Variants in UPF2 observed in about 807,000 individuals in gnomAD.
The protein encoded by UPF2 is regulator of nonsense transcripts 2.
Under a neutral mutation model 141.4 loss-of-function variants are expected in UPF2, and 17 were observed. The ratio of observed to expected loss-of-function variants is 0.12; its 90% CI spans 0.08 to 0.18. UPF2 has a LOEUF of 0.18. Ranked by LOEUF, UPF2 falls within the 10% of genes least tolerant of loss-of-function variation. The pLI is 1.00. For missense variants in UPF2, 1,152 were observed against 1,515.9 expected, an observed-to-expected ratio of 0.76 and a Z score of 3.99; for synonymous variants, 540 against 498.0, an observed-to-expected ratio of 1.08 and a Z score of -1.12.
intron 9 of UPF2, among the ~76,000 whole-genome samples, chr10:11,974,603 G>T (rs1433323933): frequency 6.6e-6 from 1 of 152,104 alleles, no homozygotes; most frequent in South Asian, 2.1e-4. Context: ...GTTGAATTTT[G>T]TCAAAGGCCT....
At chr10:12,011,562 T>C (rs1834128183) in intron 4 of UPF2, among the ~76,000 whole-genome samples, 1 of 152,114 alleles carries the variant, frequency 6.6e-6, no homozygotes, top group Non-Finnish European at 1.5e-5. Context: ...GACTGCACCA[T>C]CGCATTCCAG....
At position 11,955,318 on chromosome 10, in the gene UPF2, C is replaced by G; in HGVS notation, c.2764G>C (p.Val922Leu). 6.2e-7 allele frequency: 1 copy of G among 1,614,128 alleles called. No homozygotes were observed. The highest frequency in any genetic ancestry group is 8.5e-7 in the Non-Finnish European group (1 of 1,180,028). ...PPEHLFRIRL[V>L]CTILDTCGQY... ...CCACATGTGTCCAGAATAGTGCATA[C>G]GAGTCTAATTCTGAAAAGATGCTCA... The change falls in exon 14 of 22, where the codon GTA becomes CTA. Residue 922 changes from valine (V) to leucine (L), a missense_variant. This residue lies in a region of UPF2 where 739 missense variants were observed against 1,032.2 expected (regional missense o/e 0.72). Coordinates refer to ENST00000357604, the MANE Select transcript of UPF2 (RefSeq NM_015542.4).
chr10:11,932,048 C>T (rs1832788045), intron 19 of UPF2, among the ~76,000 whole-genome samples: 1 of 151,878 alleles, frequency 6.6e-6, no homozygotes, highest in African/African-American at 2.4e-5. Flanking sequence ...ACCCGGGAGG[C>T]TGAGGCAGGA....
chr10:11,959,946 ACTT>A lies in UPF2; in HGVS notation c.2185-593_2185-591del, dbSNP rs992725015. ...ACTAGAGAACTTTACTACCAAGGTAACTTCTTTCATAACTTTGTGTCTAGGGTT... is the reference window on the plus strand; with the variant it reads ...ACTAGAGAACTTTACTACCAAGGTAACTTTCATAACTTTGTGTCTAGGGTT... On this transcript the variant is annotated intron_variant, in intron 11 of 21. Coordinates refer to ENST00000357604, the MANE Select transcript of UPF2 (RefSeq NM_015542.4). The surrounding 1 kb of genome is among the most constrained non-coding windows in gnomAD (Gnocchi z 5.9). Among the ~76,000 whole-genome samples the A allele has an allele frequency of 3.3e-5, 5 of 152,216 alleles. No individual in the cohort carries two copies. Among genetic ancestry groups the A allele is most frequent in the African/African-American group, 1.2e-4 (5 of 41,454 alleles).
At chr10:12,021,579 GA>G (rs1221376856) in intron 3 of UPF2, among the ~76,000 whole-genome samples, 3 of 151,926 alleles carry the variant, frequency 2.0e-5, no homozygotes, top group East Asian at 3.9e-4. Context: ...ATTTTCATGA[GA>G]AAAAAAGTGC....
intron 9 of UPF2, 140 bp downstream of exon 9, chr10:11,978,917 A>G: frequency 1.5e-6 from 1 of 675,104 alleles, no homozygotes; most frequent in East Asian, 2.8e-5. Context: ...ACATTTCAAA[A>G]ATTTAGAATG....
In UPF2 at chr10:11,967,671, TC is replaced by T. The variant is rs1188401772; in HGVS notation, c.1954-218del. Reference sequence around the variant, plus strand: ...TTCAAGCAATTCTCCTGCTTCACCCTCCCGAGTAGCTGGGATTACAGGCGCC... The same window carrying T: ...TTCAAGCAATTCTCCTGCTTCACCCTCCGAGTAGCTGGGATTACAGGCGCC... On this transcript the variant is annotated intron_variant, in intron 9 of 21. Transcript: ENST00000357604. 2.0e-5 allele frequency among the ~76,000 whole-genome samples: 3 copies of T among 146,800 alleles called. No individual in the cohort carries two copies. The Admixed American group carries it at 2.1e-4, about 10-fold the overall frequency.
chr10:12,002,660 A>T (rs1588562908), intron 5 of UPF2, among the ~76,000 whole-genome samples: 2 of 152,212 alleles, frequency 1.3e-5, no homozygotes, highest in East Asian at 3.8e-4. Flanking sequence ...GGTTAGAGAA[A>T]ACCAAAAAAT....
In UPF2 at chr10:11,953,375, A is replaced by T. The variant is rs1445347968; in HGVS notation, c.2851-1126T>A. On this transcript the variant is annotated intron_variant, in intron 14 of 21. Transcript: ENST00000357604. The surrounding 1 kb of genome is among the most constrained non-coding windows in gnomAD (Gnocchi z 5.0). The stretch of plus-strand genomic sequence containing the variant: ...TGGATGCACAGGAAAGTTTAAAAGC[A>T]CTGCTCCAGGGGATCCTTTCTTCCT... 6.6e-6 allele frequency among the ~76,000 whole-genome samples: 1 copy of T among 152,170 alleles called. No homozygotes were observed. The highest frequency in any genetic ancestry group is 1.9e-4 in the East Asian group (1 of 5,196).
At chr10:11,929,424 C>T (rs1040472806) in intron 21 of UPF2, among the ~76,000 whole-genome samples, 11 of 152,118 alleles carry the variant, frequency 7.2e-5, no homozygotes, top group Admixed American at 6.6e-4. Context: ...ATGGCTTGAG[C>T]TCAGGAGTTC....
chr10:12,032,643 C>T (rs1032132136), intron 2 of UPF2, among the ~76,000 whole-genome samples: 2 of 149,900 alleles, frequency 1.3e-5, no homozygotes, highest in East Asian at 2.0e-4. Context: ...GAGGCAGAGG[C>T]GGGAGGATCA....
chr10:12,004,520 TAGAA>T lies in UPF2; in HGVS notation c.1504+6_1504+9del, dbSNP rs1400873008. 1 of 1,596,150 alleles carries T rather than the reference TAGAA, an allele frequency of 6.3e-7. No individual in the cohort carries two copies. On this transcript the variant is annotated splice_donor_region_variant and intron_variant, in intron 5 of 21. Transcript: ENST00000357604. Reference sequence around the variant, plus strand: ...GCACTTAATGTAAATATTTTTTCTCTAGAATTTACCTTTGGTATCATCTTTGTTG... The same window carrying T: ...GCACTTAATGTAAATATTTTTTCTCTTTTACCTTTGGTATCATCTTTGTTG...
intron 19 of UPF2, among the ~76,000 whole-genome samples, chr10:11,934,094 G>T (rs1453176299): frequency 6.6e-6 from 1 of 152,186 alleles, no homozygotes; most frequent in Non-Finnish European, 1.5e-5. Context: ...TGGGGGGAAT[G>T]GAGGAGGAAG....
chr10:12,020,746 A>G lies in UPF2; in HGVS notation c.1146-6562T>C, dbSNP rs192913516. On this transcript the variant is annotated intron_variant, in intron 3 of 21. Coordinates refer to ENST00000357604, the MANE Select transcript of UPF2 (RefSeq NM_015542.4). ...GAGTTACAGAACTATTGTTATGCCC[A>G]TTTTACAGATGGGAAAACTGAAGCA... 4.0e-3 allele frequency among the ~76,000 whole-genome samples: 605 copies of G among 152,324 alleles called. 3 individuals carry two copies. The highest frequency in any genetic ancestry group is 0.01 in the Middle Eastern group (3 of 294).
chr10:11,949,914 T>C (rs1229183727), intron 15 of UPF2, among the ~76,000 whole-genome samples: 1 of 152,202 alleles, frequency 6.6e-6, no homozygotes, highest in Admixed American at 6.5e-5. Flanking sequence ...GAAACAGCTG[T>C]ATTAAGTAAA....
At chr10:11,958,815 G>A (rs1833195298) in intron 12 of UPF2, among the ~76,000 whole-genome samples, 1 of 152,042 alleles carries the variant, frequency 6.6e-6, no homozygotes, top group Non-Finnish European at 1.5e-5. Context: ...AGGGATCATG[G>A]GCCTCTTATA....
Position 11,979,129 on chromosome 10 carries a change from A to C in UPF2, c.1881T>G (p.Ala627=), listed in dbSNP as rs1833553222. The part of the protein sequence containing the change: ...DLLPFYARLV[A]TLHPCMSDVA... ...CATCAGACATGCAGGGATGCAATGT[A>C]GCAACCAATCTTGCATAAAATGGTA... is the stretch of plus-strand genomic sequence containing the variant. The change falls in exon 9 of 22, where the codon GCT becomes GCG. Residue 627 remains alanine (A), a synonymous_variant. Transcript: ENST00000357604. This position sits in a 1 kb window ranked among gnomAD's most constrained non-coding sequence, Gnocchi z 6.2. 1.2e-5 allele frequency: 19 copies of C among 1,613,514 alleles called. No homozygotes were observed. The highest frequency in any genetic ancestry group is 1.6e-5 in the Non-Finnish European group (19 of 1,179,712).
intron 10 of UPF2, among the ~76,000 whole-genome samples, chr10:11,965,389 A>G (rs2131203182): frequency 6.6e-6 from 1 of 152,332 alleles, no homozygotes; most frequent in South Asian, 2.1e-4. Flanking sequence ...TTATCAGTAT[A>G]CTAGTTTCCA....
At chr10:11,946,436 C>G (rs1354972582) in intron 16 of UPF2, among the ~76,000 whole-genome samples, 2 of 152,110 alleles carry the variant, frequency 1.3e-5, no homozygotes, top group Non-Finnish European at 2.9e-5. Flanking sequence ...AAATATTAAA[C>G]CAACATTCTC....
Sources: gnomAD v4.1 joint callset for allele counts (sites outside exome capture counted in the v4.1 genomes callset) on GRCh38, gnomAD v4.1.1 for gene constraint, gnomAD v4.1.1 regional missense constraint, Gnocchi (gnomAD v3.1) non-coding constraint, MANE v1.5 for transcripts, NCBI Gene and HGNC (gene_info 2026-07-23, HGNC 2026-07-21) for gene names.